Variants in HEMK2 observed in about 807,000 individuals in gnomAD.
HEMK2 encodes the protein methyltransferase HEMK2.
the HEMK2 span, among the ~76,000 whole-genome samples, chr21:28,827,738 A>G: frequency 1.3e-5 from 2 of 152,256 alleles, no homozygotes; most frequent in Admixed American, 1.3e-4. Flanking sequence ...GATTATTTGT[A>G]TTCTACTGTT....
At chr21:28,694,716 A>G in the HEMK2 span, among the ~76,000 whole-genome samples, 84,353 of 151,732 alleles carry the variant, frequency 0.56, 26,099 homozygotes, top group East Asian at 0.84. Flanking sequence ...TCAGGGCCGG[A>G]CGCAGTGGCT....
chr21:28,826,581 T>C, the HEMK2 span, among the ~76,000 whole-genome samples: 1 of 152,126 alleles, frequency 6.6e-6, no homozygotes, highest in Non-Finnish European at 1.5e-5. Flanking sequence ...ATGAGAGATG[T>C]TTAAGATGTT....
chr21:28,640,527 CA>C, the HEMK2 span, among the ~76,000 whole-genome samples: 11 of 152,324 alleles, frequency 7.2e-5, no homozygotes, highest in African/African-American at 2.6e-4. Flanking sequence ...ACAGCGGAAT[CA>C]GGGGCAACCA....
At chr21:28,625,069 C>A in the HEMK2 span, among the ~76,000 whole-genome samples, 2 of 152,158 alleles carry the variant, frequency 1.3e-5, no homozygotes. Flanking sequence ...CAGCCTTTTA[C>A]AAATTGCTAA....
At chr21:28,741,646 TG>T in the HEMK2 span, among the ~76,000 whole-genome samples, 2 of 152,128 alleles carry the variant, frequency 1.3e-5, no homozygotes, top group Non-Finnish European at 2.9e-5. Context: ...TGAGAACATG[TG>T]GTATTTGGTT....
the HEMK2 span, among the ~76,000 whole-genome samples, chr21:28,672,576 C>G: frequency 1.3e-5 from 2 of 152,058 alleles, no homozygotes; most frequent in African/African-American, 4.8e-5. Context: ...GAGAAGAAAG[C>G]GGGCTCTCCA....
chr21:28,713,387 G>A, the HEMK2 span, among the ~76,000 whole-genome samples: 1 of 152,264 alleles, frequency 6.6e-6, no homozygotes, highest in East Asian at 1.9e-4. Context: ...GGTTCCCACT[G>A]CACTTAGGAT....
chr21:28,659,816 A>G, the HEMK2 span, among the ~76,000 whole-genome samples: 5 of 152,180 alleles, frequency 3.3e-5, no homozygotes, highest in South Asian at 1.0e-3. Context: ...CTTGCCTTTC[A>G]CACAAATTTT....
the HEMK2 span, among the ~76,000 whole-genome samples, chr21:28,621,952 A>G: frequency 2.6e-5 from 4 of 152,096 alleles, no homozygotes; most frequent in East Asian, 7.7e-4. Flanking sequence ...GTCTTTTTTT[A>G]TCTTTGTTGG....
At chr21:28,716,382 T>G in the HEMK2 span, among the ~76,000 whole-genome samples, 2 of 152,108 alleles carry the variant, frequency 1.3e-5, no homozygotes, top group East Asian at 1.9e-4. Context: ...ATTTTGTGGG[T>G]TTTTTTGTGG....
the HEMK2 span, among the ~76,000 whole-genome samples, chr21:28,839,999 G>A: frequency 2.6e-5 from 4 of 152,100 alleles, no homozygotes; most frequent in Admixed American, 2.0e-4. Context: ...AAACAACATG[G>A]TACTGGCACA....
chr21:28,865,136 AGAGT>A, the HEMK2 span, among the ~76,000 whole-genome samples: 1 of 152,032 alleles, frequency 6.6e-6, no homozygotes, highest in Non-Finnish European at 1.5e-5. Context: ...CCCCACAGCC[AGAGT>A]GATCTTTTAG....
the HEMK2 span, among the ~76,000 whole-genome samples, chr21:28,831,526 G>GAAAGAAAGAAA: frequency 5.2e-4 from 18 of 34,792 alleles, no homozygotes; most frequent in South Asian, 8.9e-4. Context: ...AAAGAAAGAA[G>GAAAGAAAGAAA]GAAAGAAGGA....
chr21:28,853,006 G>A, the HEMK2 span, among the ~76,000 whole-genome samples: 21 of 152,120 alleles, frequency 1.4e-4, no homozygotes, highest in Non-Finnish European at 2.5e-4. Context: ...TTTAAATTTT[G>A]CAGTTGAATG....
the HEMK2 span, among the ~76,000 whole-genome samples, chr21:28,623,857 A>AT: frequency 6.6e-6 from 1 of 152,192 alleles, no homozygotes; most frequent in African/African-American, 2.4e-5. Flanking sequence ...TAGGAGAGGG[A>AT]TAGCATTATG....
At chr21:28,719,282 G>A in the HEMK2 span, among the ~76,000 whole-genome samples, 2,537 of 152,244 alleles carry the variant, frequency 0.017, 72 homozygotes, top group African/African-American at 0.056. Context: ...TTTCAGATGA[G>A]TCCCCACCCA....
At chr21:28,880,945 A>G in the HEMK2 span, among the ~76,000 whole-genome samples, 5 of 150,008 alleles carry the variant, frequency 3.3e-5, no homozygotes, top group South Asian at 2.1e-4. Flanking sequence ...AAAAAAAAAA[A>G]AAAAAAACCG....
the HEMK2 span, among the ~76,000 whole-genome samples, chr21:28,669,744 T>C: frequency 6.6e-6 from 1 of 152,180 alleles, no homozygotes; most frequent in African/African-American, 2.4e-5. Flanking sequence ...CATCTCCATA[T>C]GAAATCCATA....
chr21:28,755,083 G>A, the HEMK2 span, among the ~76,000 whole-genome samples: 3 of 151,696 alleles, frequency 2.0e-5, no homozygotes, highest in Admixed American at 6.6e-5. Context: ...GCATGGGTGT[G>A]TGCAGAGATG....
Sources: allele counts gnomAD v4.1 joint callset (sites outside exome capture counted in the v4.1 genomes callset), GRCh38; gene constraint gnomAD v4.1.1; transcripts MANE v1.5; gene names NCBI Gene and HGNC (gene_info 2026-07-23, HGNC 2026-07-21).